Variants in ZNF469 observed in about 807,000 individuals in gnomAD.
The protein encoded by ZNF469 is zinc finger protein 469.
Under a neutral mutation model 1.0 loss-of-function variants are expected in ZNF469, and 1 was observed. The ratio of observed to expected loss-of-function variants is 1.00; its 90% confidence interval spans 0.35 to 4.73. ZNF469 has a LOEUF of 4.73. Among genes scored for constraint, ZNF469 ranks in the 30% most tolerant of loss-of-function variants. The pLI is 0.16. For synonymous variants in ZNF469, 2,703 were observed against 2,363.4 expected, an observed-to-expected ratio of 1.14 and a Z score of -4.17; for missense variants, 6,100 against 5,356.3, an observed-to-expected ratio of 1.14 and a Z score of -4.33.
the ZNF469 span, among the ~76,000 whole-genome samples, chr16:88,304,906 T>A: frequency 6.6e-6 from 1 of 152,150 alleles, no homozygotes; most frequent in Non-Finnish European, 1.5e-5. Context: ...AATTTGGACA[T>A]TGGCTTGGGA....
At chr16:88,359,667 T>G in the ZNF469 span, among the ~76,000 whole-genome samples, 1 of 152,268 alleles carries the variant, frequency 6.6e-6, no homozygotes, top group Non-Finnish European at 1.5e-5. Flanking sequence ...AAATACTTTC[T>G]GGATACCAGT....
chr16:88,122,028 T>C, the ZNF469 span, among the ~76,000 whole-genome samples: 363 of 137,096 alleles, frequency 2.6e-3, 1 homozygote, highest in African/African-American at 8.8e-3. Flanking sequence ...GATCACACTC[T>C]GTCACTCACT....
At chr16:88,295,845 A>G in the ZNF469 span, among the ~76,000 whole-genome samples, 4 of 152,208 alleles carry the variant, frequency 2.6e-5, no homozygotes, top group South Asian at 8.3e-4. Context: ...GGAATGACAG[A>G]CACTCTCATC....
chr16:88,436,485 T>A lies in ZNF469; in HGVS notation c.9015T>A (p.Pro3005=). The change falls in exon 3 of 3, where the codon CCT becomes CCA. Residue 3005 remains proline, a synonymous_variant. Transcript: ENST00000565624. ...GGCGAGGCCTGGAGATGCCGGCCCC[T>A]GCCGATGACTCCTCCTCTTCTCTCG... ...AAWRGLEMPA[P]ADDSSSSLGD... 6.5e-7 allele frequency: 1 copy of A among 1,547,442 alleles called. No homozygotes were observed. The highest frequency in any genetic ancestry group is 8.7e-7 in the Non-Finnish European group (1 of 1,146,948).
the ZNF469 span, among the ~76,000 whole-genome samples, chr16:88,296,637 C>T: frequency 2.0e-3 from 299 of 152,262 alleles, 2 homozygotes; most frequent in African/African-American, 6.4e-3. Context: ...CACTCACATA[C>T]GCATACACAC....
At chr16:88,118,850 G>C in the ZNF469 span, among the ~76,000 whole-genome samples, 2 of 152,212 alleles carry the variant, frequency 1.3e-5, no homozygotes, top group African/African-American at 4.8e-5. Context: ...AAGCAATAGA[G>C]AATGCTGAGA....
chr16:88,214,670 C>G, the ZNF469 span, among the ~76,000 whole-genome samples: 8 of 152,156 alleles, frequency 5.3e-5, no homozygotes, highest in Admixed American at 2.6e-4. Flanking sequence ...CACCCCCCGA[C>G]AGGCCCCGGT....
At chr16:88,367,606 G>C in the ZNF469 span, among the ~76,000 whole-genome samples, 2 of 152,194 alleles carry the variant, frequency 1.3e-5, no homozygotes, top group Non-Finnish European at 2.9e-5. Flanking sequence ...TCAAAGCAAA[G>C]CGACCATGAC....
In ZNF469 at chr16:88,435,694, G is replaced by A; in HGVS notation, c.8224G>A (p.Glu2742Lys). ...PGRMDGAALG[E>K]QPTGQKGASA... The stretch of plus-strand genomic sequence containing the variant: ...GAGGATGGATGGTGCAGCTCTGGGG[G>A]AACAGCCAACTGGGCAGAAGGGAGC... Residue 2742 changes from glutamate to lysine, a missense_variant, in exon 3 of 3, where the codon GAA becomes AAA. Glu to Lys is a moderately conservative substitution (Grantham distance 56, BLOSUM62 1). Transcript: ENST00000565624. 3 of 1,550,678 alleles carry A rather than the reference G, an allele frequency of 1.9e-6. No individual in the cohort carries two copies. Among genetic ancestry groups the A allele is most frequent in the Non-Finnish European group, 2.6e-6 (3 of 1,146,998 alleles).
In ZNF469 at chr16:88,431,780, C is replaced by G; in HGVS notation, c.4310C>G (p.Ala1437Gly). The change falls in exon 3 of 3, where the codon GCT (alanine) becomes GGT (glycine). Residue 1437 changes from alanine to glycine, a missense_variant. Ala to Gly is a moderately conservative substitution (Grantham distance 60). Transcript: ENST00000565624. ...CTGCCAAGGAGCCCACCTGGCACCG[C>G]TGAGACGGAGCCAGGCAGGGCTGCA... ...PQLPRSPPGT[A>G]ETEPGRAASP... The G allele has an allele frequency of 6.5e-7, 1 of 1,549,846 alleles. No individual in the cohort carries two copies. The highest frequency in any genetic ancestry group is 8.7e-7 in the Non-Finnish European group (1 of 1,146,950).
At position 88,431,576 on chromosome 16, in the gene ZNF469, C is replaced by G; in HGVS notation, c.4106C>G (p.Ala1369Gly). ...AGAGACCCCTTGGGGGTTCCAGTTG[C>G]CAAAAAGGGGCCTCAGCCCTACAGC... ...FNRDPLGVPVAKKGPQPYSSP... is the reference protein window; with the variant it reads ...FNRDPLGVPVGKKGPQPYSSP... Residue 1369 changes from alanine (A) to glycine (G), a missense_variant, in exon 3 of 3, where the codon GCC becomes GGC. By Grantham distance (60) the Ala-to-Gly change is moderately conservative. Transcript: ENST00000565624. 6.4e-7 allele frequency: 1 copy of G among 1,550,422 alleles called. No homozygotes were observed. Among genetic ancestry groups the G allele is most frequent in the Non-Finnish European group, 8.7e-7 (1 of 1,146,988 alleles).
the ZNF469 span, among the ~76,000 whole-genome samples, chr16:88,325,006 A>T: frequency 6.6e-6 from 1 of 152,182 alleles, no homozygotes; most frequent in Non-Finnish European, 1.5e-5. Context: ...CCAGCACTTC[A>T]GCCAGTGGGA....
At chr16:88,297,054 G>A in the ZNF469 span, among the ~76,000 whole-genome samples, 2 of 152,246 alleles carry the variant, frequency 1.3e-5, no homozygotes, top group South Asian at 2.1e-4. Context: ...ATTGCTCCAG[G>A]AGAGATCTGG....
At chr16:88,348,603 T>C in the ZNF469 span, among the ~76,000 whole-genome samples, 6 of 152,262 alleles carry the variant, frequency 3.9e-5, no homozygotes, top group African/African-American at 1.4e-4. Context: ...AGTGTCCCAG[T>C]GGACCGGGTC....
the ZNF469 span, among the ~76,000 whole-genome samples, chr16:88,152,724 T>C: frequency 0.054 from 8,172 of 152,184 alleles, 392 homozygotes; most frequent in East Asian, 0.16. This position sits in a 1 kb window ranked among gnomAD's most constrained non-coding sequence, Gnocchi z 4.2. Context: ...CACTTCCCTC[T>C]CTTCATTTCC....
the ZNF469 span, among the ~76,000 whole-genome samples, chr16:88,192,540 C>T: frequency 6.6e-6 from 1 of 152,222 alleles, no homozygotes; most frequent in African/African-American, 2.4e-5. Context: ...CTCCCAGCTT[C>T]TCAGGAGCAA....
chr16:88,328,370 A>G, the ZNF469 span, among the ~76,000 whole-genome samples: 1 of 152,212 alleles, frequency 6.6e-6, no homozygotes, highest in Non-Finnish European at 1.5e-5. Flanking sequence ...TACCTGTGTG[A>G]TGGGAATGAT....
At chr16:88,389,496 A>G (rs906339568) in intron 1 of ZNF469, among the ~76,000 whole-genome samples, 1 of 152,184 alleles carries the variant, frequency 6.6e-6, no homozygotes, top group South Asian at 2.1e-4. Flanking sequence ...GTGGGCACCC[A>G]CTGTCATCTC....
chr16:88,378,312 G>T (rs1284084323), upstream of ZNF469, among the ~76,000 whole-genome samples: 2 of 152,184 alleles, frequency 1.3e-5, no homozygotes, highest in Admixed American at 1.3e-4. Context: ...CAAATTGAGG[G>T]TCTACTCAGC....
Sources: gnomAD v4.1 joint callset for allele counts (sites outside exome capture counted in the v4.1 genomes callset) on GRCh38, gnomAD v4.1.1 for gene constraint, Gnocchi (gnomAD v3.1) non-coding constraint, MANE v1.5 for transcripts, NCBI Gene and HGNC (gene_info 2026-07-23, HGNC 2026-07-21) for gene names.